Variants in PHETA2 observed in about 807,000 individuals in gnomAD.
PHETA2 encodes sesquipedalian-2.
For missense variants in PHETA2, 321 were observed against 341.3 expected, an observed-to-expected ratio of 0.94 and a Z score of 0.47; for synonymous variants, 133 against 142.9, an observed-to-expected ratio of 0.93 and a Z score of 0.50.
At chr22:42,076,715 A>G (rs1927295362) in intron 2 of PHETA2, among the ~76,000 whole-genome samples, 1 of 152,150 alleles carries the variant, frequency 6.6e-6, no homozygotes. Context: ...GCAACTTAGA[A>G]GTTTGTTCTG....
rs759702467 is a variant in PHETA2 at position 42,077,718 on chromosome 22, TG to T, written c.427del (p.Ala143LeufsTer68). 120 of 1,613,958 alleles carry T rather than the reference TG, an allele frequency of 7.4e-5. No homozygotes were observed. The highest frequency in any genetic ancestry group is 4.0e-5 in the Non-Finnish European group (47 of 1,180,046). Reference sequence around the variant, plus strand: ...CAGTTGCAGGACGCACGCCAGAGCCTGGCTTTGCAACGCCGCTCATCCTGGA... The same window carrying T: ...CAGTTGCAGGACGCACGCCAGAGCCTGCTTTGCAACGCCGCTCATCCTGGA... ...ESQLQDARQS[L>X]ALQRRSSWKS... On this transcript the variant is annotated frameshift_variant, in exon 3 of 3. Transcript: ENST00000321753. LOFTEE classifies it low-confidence loss of function (END_TRUNC).
rs1293553354 is a variant in PHETA2 at position 42,077,858 on chromosome 22, G to T, written c.565G>T (p.Gly189Cys). 5 of 1,613,530 alleles carry T rather than the reference G, an allele frequency of 3.1e-6. No homozygotes were observed. The highest frequency in any genetic ancestry group is 4.2e-6 in the Non-Finnish European group (5 of 1,179,922). The change falls in exon 3 of 3, where the codon GGC (glycine) becomes TGC (cysteine). Residue 189 changes from glycine (G) to cysteine (C), a missense_variant. Gly to Cys is a radical substitution (Grantham distance 159, BLOSUM62 -3). Transcript: ENST00000321753. ...CCCTGTGGGCTTGGTTGAAGAAGCG[G>T]GCAGCAGGTCTGCAGGGTGGGGGTT... ...SSPVGLVEEA[G>C]SRSAGWGLAE...
Position 42,077,307 on chromosome 22 carries a change from A to G in PHETA2, c.14A>G (p.Glu5Gly), listed in dbSNP as rs1927317768. Residue 5 changes from glutamate to glycine, a missense_variant, in exon 3 of 3, where the codon GAG (glutamate) becomes GGG (glycine). Transcript: ENST00000321753. ...CCCGTGGGAGCCATGAAGCTGAACG[A>G]GAGGAGTGTAGCCCACTATGCACTC... The part of the protein sequence containing the change: MKLN[E>G]RSVAHYALSD... 6.6e-7 allele frequency: 1 copy of G among 1,524,726 alleles called. No individual in the cohort carries two copies. Among genetic ancestry groups the G allele is most frequent in the African/African-American group, 1.4e-5 (1 of 71,926 alleles). The allele number at this position is 1,524,726 out of a possible 1,614,324, so 94.4% of individuals were successfully genotyped here. A position where few individuals can be genotyped will look rare whatever the true frequency, so the allele number is the denominator to read the frequency against.
rs1031256287 is a variant in PHETA2, at chr22:42,075,218, TTGG to T, written c.-96-348_-96-346del. Among the ~76,000 whole-genome samples, 1 of 152,214 alleles carries T rather than the reference TTGG, an allele frequency of 6.6e-6. No individual in the cohort carries two copies. Among genetic ancestry groups the T allele is most frequent in the Non-Finnish European group, 1.5e-5 (1 of 68,038 alleles). ...TCAGGTGACCTTAGGTCAGGCCACC[TTGG>T]TGGTCAGGGCCACCTTAGATGATAT... On this transcript the variant is annotated intron_variant, in intron 1 of 2. Transcript: ENST00000321753. The surrounding 1 kb of genome is among the most constrained non-coding windows in gnomAD (Gnocchi z 4.8).
rs1927332161 is a variant in PHETA2 at position 42,077,480 on chromosome 22, C to T, written c.187C>T (p.Pro63Ser). The T allele has an allele frequency of 6.2e-7, 1 of 1,614,026 alleles. No individual in the cohort carries two copies. The highest frequency in any genetic ancestry group is 1.3e-5 in the African/African-American group (1 of 74,956). ...FSFESREGRA[P>S]LSLVVLEGCT... ...CTTTGAGAGTCGCGAGGGCCGGGCC[C>T]CACTGAGCCTGGTGGTGCTGGAAGG... Residue 63 changes from proline (P) to serine (S), a missense_variant, in exon 3 of 3, where the codon CCA becomes TCA. Pro to Ser is a moderately conservative substitution (Grantham distance 74, BLOSUM62 -1). Coordinates refer to ENST00000321753, the MANE Select transcript of PHETA2 (RefSeq NM_001002034.3).
At chr22:42,074,825 G>A (rs1927222675) in intron 1 of PHETA2, among the ~76,000 whole-genome samples, 1 of 152,222 alleles carries the variant, frequency 6.6e-6, no homozygotes, top group Admixed American at 6.5e-5. Context: ...TCCCCATCCA[G>A]GGGCCTGGCT....
At position 42,075,378 on chromosome 22, in the gene PHETA2, A is replaced by T. The variant is rs1602503495; in HGVS notation, c.-96-193A>T. Among the ~76,000 whole-genome samples the T allele has an allele frequency of 6.6e-6, 1 of 152,124 alleles. No individual in the cohort carries two copies. The highest frequency in any genetic ancestry group is 1.9e-4 in the East Asian group (1 of 5,202). On this transcript the variant is annotated intron_variant, in intron 1 of 2. Transcript: ENST00000321753. This position sits in a 1 kb window ranked among gnomAD's most constrained non-coding sequence, Gnocchi z 4.8. ...TCAGGCAGGGAGCTGGGGTCTGAAG[A>T]GTAAAGGTCAAGACAAGGGGACCCA...
chr22:42,077,210 G>A (rs946323601), intron 2 of PHETA2, 70 bp from the exon 3 acceptor site: 26 of 1,438,184 alleles, frequency 1.8e-5, no homozygotes, highest in Admixed American at 2.4e-5. Context: ...CTCTGGAGCC[G>A]GTGCTGTTCC....
At position 42,077,797 on chromosome 22, in the gene PHETA2, C is replaced by A. The variant is rs574460714; in HGVS notation, c.504C>A (p.Gly168=). The A allele has an allele frequency of 3.1e-6, 5 of 1,612,646 alleles. No individual in the cohort carries two copies. The highest frequency in any genetic ancestry group is 1.1e-5 in the South Asian group (1 of 91,048). ...AGGCTCCTAACCACCGAGCTGCGGG[C>A]CTGGAGAATGGCCACTGCCTCTCCA... The part of the protein sequence containing the change: ...KPQAPNHRAA[G]LENGHCLSKD... The change falls in exon 3 of 3, where the codon GGC becomes GGA. Residue 168 remains glycine (G), a synonymous_variant. Coordinates refer to ENST00000321753, the MANE Select transcript of PHETA2 (RefSeq NM_001002034.3).
chr22:42,078,193 C>G lies in PHETA2; in HGVS notation c.*120C>G. 1 of 1,200,378 alleles carries G rather than the reference C, an allele frequency of 8.3e-7. No individual in the cohort carries two copies. Among genetic ancestry groups the G allele is most frequent in the Non-Finnish European group, 1.1e-6 (1 of 878,784 alleles). 74.4% of individuals were successfully genotyped at this position (1,200,378 alleles called of 1,614,324 possible). A position where few individuals can be genotyped will look rare whatever the true frequency, so the allele number is the denominator to read the frequency against. ...GGTTCTCTCCTTCCTGCTATTTAGG[C>G]ATTCTCCAGGTTCGAGATCCACCCG... On this transcript the variant is annotated 3_prime_UTR_variant, in exon 3 of 3. Transcript: ENST00000321753.
chr22:42,076,768 A>G (rs1315560257), intron 2 of PHETA2, among the ~76,000 whole-genome samples: 1 of 152,176 alleles, frequency 6.6e-6, no homozygotes, highest in East Asian at 1.9e-4. Context: ...CTTTAAAGTT[A>G]TATTTGTGCC....
At chr22:42,074,604 C>G (rs133381) in intron 1 of PHETA2, 103,237 of 152,250 alleles carry the variant, frequency 0.68, 35,160 homozygotes, top group East Asian at 0.85. Flanking sequence ...GCGGGAGGCC[C>G]GGTGTGCGGT....
chr22:42,077,468 G>A lies in PHETA2; in HGVS notation c.175G>A (p.Glu59Lys), dbSNP rs1475706585. 1.6e-5 allele frequency: 26 copies of A among 1,614,056 alleles called. No homozygotes were observed. Among genetic ancestry groups the A allele is most frequent in the Non-Finnish European group, 2.1e-5 (25 of 1,180,016 alleles). ...CCTGCTATTCTCCTTTGAGAGTCGC[G>A]AGGGCCGGGCCCCACTGAGCCTGGT... Reference protein sequence around the residue: ...GNLLFSFESREGRAPLSLVVL... With the variant: ...GNLLFSFESRKGRAPLSLVVL... Residue 59 changes from glutamate (E) to lysine (K), a missense_variant, in exon 3 of 3, where the codon GAG (glutamate) becomes AAG (lysine). Coordinates refer to ENST00000321753, the MANE Select transcript of PHETA2 (RefSeq NM_001002034.3).
In PHETA2 at chr22:42,077,166, C is replaced by T. The variant is rs530752583; in HGVS notation, c.-14-114C>T. The T allele has an allele frequency of 5.2e-5, 48 of 918,006 alleles. No homozygotes were observed. In the African/African-American group the frequency reaches 5.4e-4, roughly 10 times the overall value. 56.9% of individuals were successfully genotyped at this position (918,006 alleles called of 1,614,324 possible). ...TTAGGGACCTTAGGGACACAGCAAGCGAGTAGGAGTCCCAGGGCTGGGGTC... is the reference window on the plus strand; with the variant it reads ...TTAGGGACCTTAGGGACACAGCAAGTGAGTAGGAGTCCCAGGGCTGGGGTC... On this transcript the variant is annotated intron_variant, in intron 2 of 2. Transcript: ENST00000321753.
intron 1 of PHETA2, 194 bp downstream of exon 1, chr22:42,074,535 TCCCGCACC>T (rs1320081411): frequency 6.6e-6 from 1 of 152,092 alleles, no homozygotes; most frequent in Non-Finnish European, 1.5e-5. Flanking sequence ...GGCCCGGCGG[TCCCGCACC>T]CCCAGCCCGC....
Position 42,077,598 on chromosome 22 carries a change from C to T in PHETA2, c.305C>T (p.Ala102Val). 1 of 1,614,130 alleles carries T rather than the reference C, an allele frequency of 6.2e-7. No homozygotes were observed. The highest frequency in any genetic ancestry group is 1.3e-5 in the African/African-American group (1 of 75,072). The change falls in exon 3 of 3, where the codon GCC becomes GTC. Residue 102 changes from alanine to valine, a missense_variant. By Grantham distance (64) the Ala-to-Val change is moderately conservative (BLOSUM62 0). Coordinates refer to ENST00000321753, the MANE Select transcript of PHETA2 (RefSeq NM_001002034.3). ...DAPGVRPHLL[A>V]AEGPAAQEAW... ...CCTGGAGTGCGCCCACACCTGCTGGCCGCAGAAGGGCCGGCGGCCCAGGAG... is the reference window on the plus strand; with the variant it reads ...CCTGGAGTGCGCCCACACCTGCTGGTCGCAGAAGGGCCGGCGGCCCAGGAG...
chr22:42,077,400 C>G lies in PHETA2; in HGVS notation c.107C>G (p.Pro36Arg), dbSNP rs962247484. The change falls in exon 3 of 3, where the codon CCC becomes CGC. Residue 36 changes from proline (P) to arginine (R), a missense_variant. Physicochemically the swap from Pro to Arg is moderately radical, Grantham distance 103 (BLOSUM62 -2). Coordinates refer to ENST00000321753, the MANE Select transcript of PHETA2 (RefSeq NM_001002034.3). ...GGGGGCCCAGGGACCCCACCGACCC[C>G]CAGTGGCACTGGCCGAAGATGCTGG... ...TWGGPGTPPT[P>R]SGTGRRCWFV... The G allele has an allele frequency of 1.9e-6, 3 of 1,611,134 alleles. No homozygotes were observed. The African/African-American group carries it at 4.0e-5, about 22-fold the overall frequency.
chr22:42,077,382 C>T lies in PHETA2; in HGVS notation c.89C>T (p.Pro30Leu), dbSNP rs772548726. The T allele has an allele frequency of 5.4e-5, 87 of 1,602,852 alleles. 1 individual carries two copies. The highest frequency in any genetic ancestry group is 3.4e-6 in the Non-Finnish European group (4 of 1,174,084). ...HMGFLRTWGG[P>L]GTPPTPSGTG... ...GGCTTCCTGCGCACCTGGGGGGGCC[C>T]AGGGACCCCACCGACCCCCAGTGGC... Residue 30 changes from proline to leucine, a missense_variant, in exon 3 of 3, where the codon CCA becomes CTA. Physicochemically the swap from Pro to Leu is moderately conservative, Grantham distance 98. Transcript: ENST00000321753.
intron 1 of PHETA2, among the ~76,000 whole-genome samples, chr22:42,074,636 G>C (rs1267374469): frequency 6.6e-6 from 1 of 152,178 alleles, no homozygotes; most frequent in Non-Finnish European, 1.5e-5. Flanking sequence ...CCTACTGGTG[G>C]AGAGGAGGGA....
Sources: gnomAD v4.1 joint callset for allele counts (sites outside exome capture counted in the v4.1 genomes callset) on GRCh38, gnomAD v4.1.1 for gene constraint, Gnocchi (gnomAD v3.1) non-coding constraint, MANE v1.5 for transcripts, NCBI Gene and HGNC (gene_info 2026-07-23, HGNC 2026-07-21) for gene names.